USP47: variants seen among roughly 807,000 people sequenced by gnomAD.
USP47 encodes ubiquitin specific peptidase 47.
A neutral mutation model predicts 165.1 loss-of-function variants in USP47; 35 were observed. The observed-to-expected ratio is 0.21, with a 90% CI of 0.16 to 0.28. USP47 has a LOEUF of 0.28. Among genes scored for constraint, USP47 ranks in the 10% least tolerant of loss-of-function variants. The pLI is 1.00. For missense variants in USP47, 1,277 were observed against 1,607.4 expected (o/e 0.79, Z 3.52); for synonymous variants, 531 against 544.5 (o/e 0.98, Z 0.35).
chr11:11,924,600 G>A (rs1466638234), intron 11 of USP47, among the ~76,000 whole-genome samples: 1 of 152,124 alleles, frequency 6.6e-6, no homozygotes, highest in Non-Finnish European at 1.5e-5. Flanking sequence ...TTCTTTTTTA[G>A]AAAGTGGTTA....
chr11:11,876,278 T>G (rs879751031), intron 1 of USP47, among the ~76,000 whole-genome samples: 3 of 152,154 alleles, frequency 2.0e-5, no homozygotes, highest in Non-Finnish European at 4.4e-5. Flanking sequence ...CTAAAAATTT[T>G]TGCTCCCTTC....
At position 11,892,030 on chromosome 11, in the gene USP47, A is replaced by G; in HGVS notation, c.420A>G (p.Glu140=). 1 of 1,613,974 alleles carries G rather than the reference A, an allele frequency of 6.2e-7. No individual in the cohort carries two copies. Among genetic ancestry groups the G allele is most frequent in the Non-Finnish European group, 8.5e-7 (1 of 1,179,902 alleles). The part of the protein sequence containing the change: ...HDRFIGPLPR[E]GSGGSTSDYV... ...GGTTTATAGGTCCGCTTCCAAGAGA[A>G]GGTTCTGGGGGTTCTACCAGTGATT... is the stretch of plus-strand genomic sequence containing the variant. Residue 140 remains glutamate (E), a synonymous_variant, in exon 4 of 28, where the codon GAA becomes GAG. Coordinates refer to ENST00000527733, the MANE Select transcript of USP47 (RefSeq NM_001282659.2).
intron 25 of USP47, 22 bp downstream of exon 25, chr11:11,952,893 CAT>C (rs898961607): frequency 1.3e-6 from 2 of 1,572,994 alleles, no homozygotes; most frequent in East Asian, 2.4e-5. Flanking sequence ...TTAAACAAAA[CAT>C]GTATCTTATG....
In USP47 at chr11:11,938,343, G is replaced by A. The variant is rs202054663; in HGVS notation, c.2164G>A (p.Val722Ile). 1.1e-4 allele frequency: 173 copies of A among 1,611,766 alleles called. No homozygotes were observed. The highest frequency in any genetic ancestry group is 2.2e-4 in the Admixed American group (13 of 59,780). Reference sequence around the variant, plus strand: ...TGTTCGTGCTTACTTAAATCAGACAGTTACAGAATTCAAACAACTGATTTC... The same window carrying A: ...TGTTCGTGCTTACTTAAATCAGACAATTACAGAATTCAAACAACTGATTTC... ...ITVRAYLNQT[V>I]TEFKQLISKA... The change falls in exon 18 of 28, where the codon GTT becomes ATT. Residue 722 changes from valine (V) to isoleucine (I), a missense_variant. Coordinates refer to ENST00000527733, the MANE Select transcript of USP47 (RefSeq NM_001282659.2).
rs1015957876 is a variant in USP47, at chr11:11,958,262, CTTTGT to C, written c.*2091_*2095del. ...TTTAGACTGTGCCTTCTGCTCTGTTCTTTGTTTTATGTTTAACTGCTGTTTCTAAT... is the reference window on the plus strand; with the variant it reads ...TTTAGACTGTGCCTTCTGCTCTGTTCTTTATGTTTAACTGCTGTTTCTAAT... On this transcript the variant is annotated 3_prime_UTR_variant, in exon 28 of 28. Transcript: ENST00000527733. 2 of 152,144 alleles carry C rather than the reference CTTTGT, an allele frequency of 1.3e-5. No homozygotes were observed. Among genetic ancestry groups the C allele is most frequent in the African/African-American group, 4.8e-5 (2 of 41,430 alleles). 9.4% of individuals were successfully genotyped at this position (152,144 alleles called of 1,614,324 possible).
Position 11,903,613 on chromosome 11 carries a change from A to G in USP47, c.819+271A>G, listed in dbSNP as rs180898742. 2.0e-3 allele frequency among the ~76,000 whole-genome samples: 303 copies of G among 152,282 alleles called. 2 individuals are homozygous for G. The highest frequency in any genetic ancestry group is 7.0e-3 in the African/African-American group (290 of 41,552). On this transcript the variant is annotated intron_variant, in intron 7 of 27. Transcript: ENST00000527733. Reference sequence around the variant, plus strand: ...TCTCTTTTAGCTCTGAAAATTATACATTTAAAAACTGTATATATGTGTTTT... The same window carrying G: ...TCTCTTTTAGCTCTGAAAATTATACGTTTAAAAACTGTATATATGTGTTTT...
chr11:11,940,102 C>T lies in USP47; in HGVS notation c.2194-327C>T, dbSNP rs550090801. 4.1e-4 allele frequency among the ~76,000 whole-genome samples: 63 copies of T among 152,052 alleles called. No homozygotes were observed. The South Asian group carries it at 0.012, about 30-fold the overall frequency. ...ATTTTGATATCAGCAGTCAAAAAGTCAGTTACGCAGTTTCTTTGGAATCAG... is the reference window on the plus strand; with the variant it reads ...ATTTTGATATCAGCAGTCAAAAAGTTAGTTACGCAGTTTCTTTGGAATCAG... On this transcript the variant is annotated intron_variant, in intron 18 of 27. Coordinates refer to ENST00000527733, the MANE Select transcript of USP47 (RefSeq NM_001282659.2).
At chr11:11,897,048 T>TA (rs1228185256) in intron 4 of USP47, among the ~76,000 whole-genome samples, 1 of 150,754 alleles carries the variant, frequency 6.6e-6, no homozygotes, top group African/African-American at 2.4e-5. Flanking sequence ...CTGCATTACT[T>TA]AGAGTCTCAG....
intron 1 of USP47, among the ~76,000 whole-genome samples, chr11:11,851,045 A>G (rs1410393584): frequency 2.0e-5 from 3 of 152,154 alleles, no homozygotes; most frequent in Non-Finnish European, 2.9e-5. Context: ...CAACATGTGA[A>G]TTTTGGGGTA....
In USP47 at chr11:11,942,900, C is replaced by G. The variant is rs1229831204; in HGVS notation, c.2879C>G (p.Pro960Arg). The part of the protein sequence containing the change: ...TLCNADNAQI[P>R]LANGLDSHSI... ...TGCAATGCAGACAATGCTCAGATCC[C>G]TTTGGCTAATGGACTTGACTCTCAC... Residue 960 changes from proline to arginine, a missense_variant, in exon 20 of 28, where the codon CCT becomes CGT. This residue lies in a region of USP47 where 909 missense variants were observed against 1,068.1 expected (regional missense o/e 0.85). Transcript: ENST00000527733. 8 of 1,613,596 alleles carry G rather than the reference C, an allele frequency of 5.0e-6. No individual in the cohort carries two copies. Among genetic ancestry groups the G allele is most frequent in the Non-Finnish European group, 6.8e-6 (8 of 1,179,720 alleles).
At chr11:11,867,089 G>A (rs1328692014) in intron 1 of USP47, among the ~76,000 whole-genome samples, 1 of 152,016 alleles carries the variant, frequency 6.6e-6, no homozygotes, top group African/African-American at 2.4e-5. Flanking sequence ...TAGAGACAGG[G>A]TTTCACCATG....
chr11:11,907,533 G>A (rs1455418170), intron 8 of USP47, among the ~76,000 whole-genome samples: 4 of 152,130 alleles, frequency 2.6e-5, no homozygotes, highest in Non-Finnish European at 5.9e-5. Context: ...ACTCTTCTTA[G>A]TCCACAAATA....
chr11:11,895,131 A>G (rs904829449), intron 4 of USP47, among the ~76,000 whole-genome samples: 1 of 152,096 alleles, frequency 6.6e-6, no homozygotes, highest in South Asian at 2.1e-4. Flanking sequence ...TTATACATAC[A>G]TTTTTGTTTT....
rs530319513 is a variant in USP47 at position 11,895,120 on chromosome 11, C to G, written c.497-2477C>G. ...TATTGCTGATATTATTATGAAAATTCTTATACATACATTTTTGTTTTCATC... is the reference window on the plus strand; with the variant it reads ...TATTGCTGATATTATTATGAAAATTGTTATACATACATTTTTGTTTTCATC... On this transcript the variant is annotated intron_variant, in intron 4 of 27. Coordinates refer to ENST00000527733, the MANE Select transcript of USP47 (RefSeq NM_001282659.2). Among the ~76,000 whole-genome samples the G allele has an allele frequency of 1.2e-4, 18 of 151,954 alleles. No individual in the cohort carries two copies. In the South Asian group the frequency reaches 2.7e-3, roughly 23 times the overall value.
intron 1 of USP47, among the ~76,000 whole-genome samples, chr11:11,869,905 G>C (rs1379844584): frequency 2.0e-5 from 3 of 152,130 alleles, no homozygotes; most frequent in Admixed American, 2.0e-4. Context: ...TAGCAGGAAA[G>C]CCCTTGCCAG....
In USP47 at chr11:11,921,918, A is replaced by G. The variant is rs73413227; in HGVS notation, c.1219-806A>G. Among the ~76,000 whole-genome samples the G allele has an allele frequency of 3.7e-3, 567 of 152,048 alleles. 2 individuals carry two copies. Among genetic ancestry groups the G allele is most frequent in the African/African-American group, 0.013 (540 of 41,554 alleles). On this transcript the variant is annotated intron_variant, in intron 10 of 27. Coordinates refer to ENST00000527733, the MANE Select transcript of USP47 (RefSeq NM_001282659.2). Reference sequence around the variant, plus strand: ...AACCTTCTTGAGAGATGAAGACTGTATATTAGATGTAGTACCTACAACAAG... The same window carrying G: ...AACCTTCTTGAGAGATGAAGACTGTGTATTAGATGTAGTACCTACAACAAG...
At chr11:11,852,311 A>G (rs528539550) in intron 1 of USP47, among the ~76,000 whole-genome samples, 2 of 151,100 alleles carry the variant, frequency 1.3e-5, no homozygotes, top group African/African-American at 2.4e-5. Flanking sequence ...CCATTTATTT[A>G]CTTATTTATT....
At chr11:11,934,197 T>C (rs1353509513) in intron 16 of USP47, among the ~76,000 whole-genome samples, 1 of 152,142 alleles carries the variant, frequency 6.6e-6, no homozygotes, top group Non-Finnish European at 1.5e-5. Context: ...TTGCTCTTTC[T>C]ATTCATTTAA....
intron 8 of USP47, 92 bp downstream of exon 8, chr11:11,905,640 A>G: frequency 8.0e-7 from 1 of 1,255,120 alleles, no homozygotes. Flanking sequence ...GTATCATCCT[A>G]GATACACCTT....
Sources: allele counts gnomAD v4.1 joint callset (sites outside exome capture counted in the v4.1 genomes callset), GRCh38; gene constraint gnomAD v4.1.1; regional missense constraint gnomAD v4.1.1; transcripts MANE v1.5; gene names NCBI Gene and HGNC (gene_info 2026-07-23, HGNC 2026-07-21).